The following WDR7 variants were observed in gnomAD, a reference collection of about 807,000 sequenced individuals.
The protein encoded by WDR7 is WD repeat-containing protein 7.
A neutral mutation model predicts 169.4 loss-of-function variants in WDR7; 46 were observed. The ratio of observed to expected loss-of-function variants is 0.27; its 90% CI spans 0.21 to 0.35. WDR7 has a LOEUF of 0.35. Ranked by LOEUF, WDR7 falls within the 10% of genes least tolerant of loss-of-function variation. The pLI is 1.00. For missense variants in WDR7, 1,534 were observed against 1,859.3 expected (o/e 0.83, Z 3.22); for synonymous variants, 612 against 666.8 (o/e 0.92, Z 1.27).
In WDR7 at chr18:56,684,751, A is replaced by G. The variant is rs192170838; in HGVS notation, c.521-1205A>G. 1.2e-4 allele frequency among the ~76,000 whole-genome samples: 19 copies of G among 152,318 alleles called. 1 individual carries two copies. Among genetic ancestry groups the G allele is most frequent in the African/African-American group, 3.8e-4 (16 of 41,566 alleles). Reference sequence around the variant, plus strand: ...AATAGGTATTTGTCAAAAAGGTGGGATCTCTGGTTAAATATATTTGGGAGA... The same window carrying G: ...AATAGGTATTTGTCAAAAAGGTGGGGTCTCTGGTTAAATATATTTGGGAGA... On this transcript the variant is annotated intron_variant, in intron 5 of 27. Transcript: ENST00000254442.
intron 13 of WDR7, among the ~76,000 whole-genome samples, chr18:56,722,157 G>T (rs1303367481): frequency 6.6e-6 from 1 of 152,118 alleles, no homozygotes; most frequent in African/African-American, 2.4e-5. Context: ...ATAAAACATG[G>T]CTAACAAAAA....
chr18:56,799,306 A>G (rs2044633386), intron 19 of WDR7, among the ~76,000 whole-genome samples: 1 of 152,212 alleles, frequency 6.6e-6, no homozygotes. Context: ...ATTTTTATCT[A>G]AATGTAGAAT....
chr18:56,843,285 T>C (rs1182814273), intron 20 of WDR7, among the ~76,000 whole-genome samples: 2 of 152,220 alleles, frequency 1.3e-5, no homozygotes, highest in African/African-American at 2.4e-5. Flanking sequence ...TATGTACACA[T>C]TGTTGTTCAG....
Position 57,028,304 on chromosome 18 carries a change from C to T in WDR7, c.*1097C>T, listed in dbSNP as rs1194834154. Reference sequence around the variant, plus strand: ...GTGTATATAAAAATATGTGGGCTCTCGATTTATTTGAGCAAACATTGCAAT... The same window carrying T: ...GTGTATATAAAAATATGTGGGCTCTTGATTTATTTGAGCAAACATTGCAAT... On this transcript the variant is annotated 3_prime_UTR_variant, in exon 28 of 28. Transcript: ENST00000254442. 6.6e-6 allele frequency: 1 copy of T among 152,134 alleles called. No individual in the cohort carries two copies. Among genetic ancestry groups the T allele is most frequent in the Admixed American group, 6.5e-5 (1 of 15,280 alleles). 9.4% of individuals were successfully genotyped at this position (152,134 alleles called of 1,614,324 possible).
At chr18:56,827,270 C>T (rs1488013763) in intron 20 of WDR7, among the ~76,000 whole-genome samples, 1 of 151,956 alleles carries the variant, frequency 6.6e-6, no homozygotes, top group East Asian at 1.9e-4. Context: ...ATTTTCTCAC[C>T]TGAAATATGA....
At chr18:56,863,696 T>C (rs1340172359) in intron 20 of WDR7, among the ~76,000 whole-genome samples, 1 of 151,828 alleles carries the variant, frequency 6.6e-6, no homozygotes, top group East Asian at 1.9e-4. Context: ...TATTAACCTT[T>C]TCTCTTGTTA....
intron 15 of WDR7, 33 bp downstream of exon 15, chr18:56,757,385 G>T: frequency 6.7e-7 from 1 of 1,495,356 alleles, no homozygotes; most frequent in South Asian, 1.4e-5. Context: ...TTATTCTTAA[G>T]TTTCAAAAAA....
At chr18:56,941,920 C>T (rs561406463) in intron 25 of WDR7, among the ~76,000 whole-genome samples, 1 of 152,342 alleles carries the variant, frequency 6.6e-6, no homozygotes, top group African/African-American at 2.4e-5. Context: ...CTGGTTCTGC[C>T]TAGTGCCCTG....
intron 25 of WDR7, among the ~76,000 whole-genome samples, chr18:56,958,218 T>C (rs1395324240): frequency 6.6e-6 from 1 of 152,114 alleles, no homozygotes; most frequent in Non-Finnish European, 1.5e-5. Context: ...AAACCATCCC[T>C]CTCCGGGGTT....
intron 25 of WDR7, among the ~76,000 whole-genome samples, chr18:56,947,713 T>C (rs2047125626): frequency 6.6e-6 from 1 of 152,226 alleles, no homozygotes; most frequent in Non-Finnish European, 1.5e-5. Context: ...CTTAGTGTGC[T>C]GCAGCATCAT....
chr18:56,747,814 C>T (rs1439507542), intron 14 of WDR7, among the ~76,000 whole-genome samples: 1 of 151,946 alleles, frequency 6.6e-6, no homozygotes. Flanking sequence ...GAAGAGGGTT[C>T]AAAATAGCTT....
intron 25 of WDR7, among the ~76,000 whole-genome samples, chr18:56,953,950 T>C (rs1489768771): frequency 2.0e-5 from 3 of 152,216 alleles, no homozygotes; most frequent in African/African-American, 4.8e-5. Flanking sequence ...TTCTTTTACA[T>C]TGCATATTTC....
chr18:56,978,836 C>T (rs963608991), intron 26 of WDR7, among the ~76,000 whole-genome samples: 3 of 152,082 alleles, frequency 2.0e-5, no homozygotes, highest in African/African-American at 4.8e-5. Context: ...ATAGCATGCC[C>T]GCATGTAATT....
At chr18:57,015,236 C>T (rs2048190482) in intron 26 of WDR7, among the ~76,000 whole-genome samples, 1 of 152,154 alleles carries the variant, frequency 6.6e-6, no homozygotes, top group African/African-American at 2.4e-5. Context: ...AGCCTATGCA[C>T]AAAGAGACTT....
At chr18:56,834,545 T>A (rs1032183440) in intron 20 of WDR7, among the ~76,000 whole-genome samples, 2 of 152,044 alleles carry the variant, frequency 1.3e-5, no homozygotes, top group Non-Finnish European at 2.9e-5. Context: ...TGTGACCTGA[T>A]TTCTAGACCC....
intron 19 of WDR7, among the ~76,000 whole-genome samples, chr18:56,809,690 C>G (rs1480945484): frequency 6.6e-6 from 1 of 151,746 alleles, no homozygotes; most frequent in Admixed American, 6.6e-5. Flanking sequence ...ACTATTTTTT[C>G]TAGTCTCTGT....
intron 1 of WDR7, among the ~76,000 whole-genome samples, chr18:56,661,342 A>G (rs549579113): frequency 1.2e-4 from 19 of 152,328 alleles, no homozygotes; most frequent in Middle Eastern, 3.4e-3. Flanking sequence ...TAGGTTGGTG[A>G]TGGATACAGC....
At chr18:56,899,462 G>C (rs890999265) in intron 21 of WDR7, among the ~76,000 whole-genome samples, 1 of 152,062 alleles carries the variant, frequency 6.6e-6, no homozygotes, top group East Asian at 1.9e-4. Context: ...AATCTTCCAT[G>C]CTGTCCTCAA....
intron 1 of WDR7, among the ~76,000 whole-genome samples, chr18:56,671,973 C>T (rs1461375352): frequency 1.3e-5 from 2 of 152,084 alleles, no homozygotes; most frequent in African/African-American, 4.8e-5. Flanking sequence ...AACGGTTTGA[C>T]CTGTCTTTTT....
Sources: allele counts gnomAD v4.1 joint callset (sites outside exome capture counted in the v4.1 genomes callset), GRCh38; gene constraint gnomAD v4.1.1; transcripts MANE v1.5; gene names NCBI Gene and HGNC (gene_info 2026-07-23, HGNC 2026-07-21).